ABCC12: variants seen among roughly 807,000 people sequenced by gnomAD.
ABCC12 encodes ATP-binding cassette sub-family C member 12.
In ABCC12, 142 loss-of-function variants were observed where a neutral mutation model predicts 151.1. The observed-to-expected ratio is 0.94, with a 90% CI of 0.82 to 1.08. The LOEUF (loss-of-function observed/expected upper bound fraction) is 1.08, where lower values mean the gene tolerates loss of function less well. ABCC12 is among the 50% of genes least tolerant of loss of function. The probability of loss-of-function intolerance (pLI) is 0.00; values close to 1 mark genes in which losing one functional copy is unlikely to be tolerated. For missense variants in ABCC12, 1,638 were observed against 1,691.1 expected, an observed-to-expected ratio of 0.97 and a Z score of 0.55; for synonymous variants, 645 against 646.4, an observed-to-expected ratio of 1.00 and a Z score of 0.03.
At chr16:48,108,981 C>T (rs1963594469) in intron 18 of ABCC12, among the ~76,000 whole-genome samples, 2 of 152,130 alleles carry the variant, frequency 1.3e-5, no homozygotes, top group Non-Finnish European at 1.5e-5. Context: ...GGCTTTTTCA[C>T]GTGATGAGAG....
chr16:48,146,687 TTCC>T, intron 2 of ABCC12: 3 of 357,118 alleles, frequency 8.4e-6, no homozygotes, highest in African/African-American at 4.2e-5. Context: ...GACCATTTAA[TTCC>T]TCTTTTCTCA....
At chr16:48,145,233 C>T (rs1357990592) in intron 3 of ABCC12, among the ~76,000 whole-genome samples, 3 of 152,216 alleles carry the variant, frequency 2.0e-5, no homozygotes, top group African/African-American at 4.8e-5. Context: ...GAGAAGATAA[C>T]GCAGTGTCCG....
At chr16:48,121,570 C>A in intron 13 of ABCC12, 146 bp downstream of exon 13, 4 of 1,123,530 alleles carry the variant, frequency 3.6e-6, no homozygotes, top group Non-Finnish European at 4.9e-6. Flanking sequence ...AAGAGGAAAA[C>A]CAGTGTCTGT....
chr16:48,098,285 G>T (rs1567445890), intron 23 of ABCC12, among the ~76,000 whole-genome samples: 1 of 152,118 alleles, frequency 6.6e-6, no homozygotes, highest in Non-Finnish European at 1.5e-5. Flanking sequence ...TGATCTAGTG[G>T]GGAAGGGCTT....
At chr16:48,116,673 C>T (rs1173142692) in intron 14 of ABCC12, among the ~76,000 whole-genome samples, 2 of 152,142 alleles carry the variant, frequency 1.3e-5, no homozygotes, top group African/African-American at 2.4e-5. Context: ...GAGAAAGACA[C>T]CCCAAACTGC....
At chr16:48,121,084 C>T (rs1004380876) in intron 13 of ABCC12, among the ~76,000 whole-genome samples, 1 of 152,028 alleles carries the variant, frequency 6.6e-6, no homozygotes, top group Non-Finnish European at 1.5e-5. Flanking sequence ...ACTTTGTACC[C>T]TTTGGTCAAC....
intron 22 of ABCC12, 119 bp downstream of exon 22, chr16:48,104,023 A>C: frequency 1.8e-6 from 2 of 1,093,572 alleles, no homozygotes; most frequent in Non-Finnish European, 2.6e-6. Context: ...TACTAAGTAC[A>C]AAAAAAATCA....
In ABCC12 at chr16:48,146,323, T is replaced by C; in HGVS notation, c.102A>G (p.Pro34=). 1 of 1,614,194 alleles carries C rather than the reference T, an allele frequency of 6.2e-7. No homozygotes were observed. Among genetic ancestry groups the C allele is most frequent in the Non-Finnish European group, 8.5e-7 (1 of 1,180,018 alleles). Residue 34 remains proline (P), a synonymous_variant, in exon 3 of 31, where the codon CCA becomes CCG. Transcript: ENST00000311303. Reference sequence around the variant, plus strand: ...TGACTTACCTTGCACAGGGTCGCACTGGGATCATGGTCTTCAGGCTGGGGT... The same window carrying C: ...TGACTTACCTTGCACAGGGTCGCACCGGGATCATGGTCTTCAGGCTGGGGT... The part of the protein sequence containing the change: ...RYDPSLKTMI[P]VRPCARLAPN...
chr16:48,132,910 T>C (rs1964477192), intron 9 of ABCC12, among the ~76,000 whole-genome samples: 1 of 152,202 alleles, frequency 6.6e-6, no homozygotes, highest in Admixed American at 6.5e-5. Flanking sequence ...GCTCAATGAT[T>C]TGCTATAAGT....
chr16:48,093,946 A>G (rs1392358470), intron 24 of ABCC12, among the ~76,000 whole-genome samples: 1 of 152,196 alleles, frequency 6.6e-6, no homozygotes, highest in Non-Finnish European at 1.5e-5. Flanking sequence ...GAGTGCTGTC[A>G]TTTTGATTCT....
At chr16:48,095,926 A>G (rs1237300098) in intron 24 of ABCC12, among the ~76,000 whole-genome samples, 1 of 152,194 alleles carries the variant, frequency 6.6e-6, no homozygotes, top group African/African-American at 2.4e-5. Context: ...CAAGATTCAA[A>G]CAAACATGAG....
At chr16:48,141,115 TA>T in intron 5 of ABCC12, 90 bp downstream of exon 5, 1 of 1,542,898 alleles carries the variant, frequency 6.5e-7, no homozygotes, top group South Asian at 1.2e-5. Flanking sequence ...GACAATGCAC[TA>T]AACCCACCAG....
intron 23 of ABCC12, among the ~76,000 whole-genome samples, chr16:48,099,897 G>A (rs901051989): frequency 6.6e-6 from 1 of 151,922 alleles, no homozygotes; most frequent in Non-Finnish European, 1.5e-5. Context: ...AAAATTTATT[G>A]CATGATCTCC....
chr16:48,096,938 G>C (rs377482004), intron 23 of ABCC12, 36 bp from the exon 24 acceptor site: 1 of 1,613,732 alleles, frequency 6.2e-7, no homozygotes, highest in Non-Finnish European at 8.5e-7. Context: ...TAAACCTACA[G>C]TCAAGAAAAT....
chr16:48,112,020 T>C, intron 15 of ABCC12, 110 bp from the exon 16 acceptor site: 1 of 1,363,696 alleles, frequency 7.3e-7, no homozygotes, highest in East Asian at 2.5e-5. Context: ...AGATCATTCT[T>C]TGTTTGAGGG....
chr16:48,115,176 A>G (rs185766961), intron 15 of ABCC12, among the ~76,000 whole-genome samples: 3 of 152,238 alleles, frequency 2.0e-5, no homozygotes, highest in Admixed American at 2.0e-4. Flanking sequence ...CTTCTAGAGA[A>G]TCTACCCTCT....
At chr16:48,127,499 C>T (rs1388097752) in intron 11 of ABCC12, among the ~76,000 whole-genome samples, 18 of 152,164 alleles carry the variant, frequency 1.2e-4, no homozygotes, top group Non-Finnish European at 2.4e-4. Context: ...TTGCTTTTTA[C>T]AAGAGGAGTT....
At chr16:48,098,081 G>A (rs1438049097) in intron 23 of ABCC12, among the ~76,000 whole-genome samples, 1 of 139,786 alleles carries the variant, frequency 7.2e-6, no homozygotes, top group Non-Finnish European at 1.5e-5. Flanking sequence ...TTGCAAGCCT[G>A]CCCCACCTGA....
intron 22 of ABCC12, among the ~76,000 whole-genome samples, chr16:48,103,105 G>A (rs777055573): frequency 1.8e-4 from 28 of 152,162 alleles, no homozygotes; most frequent in Non-Finnish European, 3.7e-4. Flanking sequence ...GGATCTGAGC[G>A]TGAAAACCAA....
Sources: allele counts gnomAD v4.1 joint callset (sites outside exome capture counted in the v4.1 genomes callset), GRCh38; gene constraint gnomAD v4.1.1; transcripts MANE v1.5; gene names NCBI Gene and HGNC (gene_info 2026-07-23, HGNC 2026-07-21).